The following IQGAP2 variants were observed in gnomAD, a reference collection of about 807,000 sequenced individuals.
IQGAP2 encodes IQ motif containing GTPase activating protein 2.
Under a neutral mutation model 201.3 loss-of-function variants are expected in IQGAP2, and 173 were observed. The ratio of observed to expected loss-of-function variants is 0.86; its 90% CI spans 0.76 to 0.98. The LOEUF (loss-of-function observed/expected upper bound fraction) is 0.98, where lower values mean the gene tolerates loss of function less well. IQGAP2 is among the 50% of genes least tolerant of loss of function. IQGAP2 has a pLI of 0.00. For missense variants in IQGAP2, 1,687 were observed against 1,864.8 expected (o/e 0.90, Z 1.76); for synonymous variants, 675 against 673.9 (o/e 1.00, Z -0.03).
At chr5:76,626,846 G>A (rs1382185542) in intron 13 of IQGAP2, among the ~76,000 whole-genome samples, 1 of 152,112 alleles carries the variant, frequency 6.6e-6, no homozygotes, top group Non-Finnish European at 1.5e-5. Flanking sequence ...TGAATGGTAA[G>A]AAAAAGCCAA....
intron 2 of IQGAP2, among the ~76,000 whole-genome samples, chr5:76,504,496 T>A (rs373313727): frequency 6.6e-6 from 1 of 152,166 alleles, no homozygotes; most frequent in African/African-American, 2.4e-5. Context: ...CTTCTCTATA[T>A]GGTATAGATG....
intron 1 of IQGAP2, among the ~76,000 whole-genome samples, chr5:76,425,882 T>C (rs990656541): frequency 6.6e-6 from 1 of 152,150 alleles, no homozygotes; most frequent in East Asian, 1.9e-4. Flanking sequence ...AAATGTGAGT[T>C]GTTCATGCAT....
chr5:76,509,525 T>G (rs550976978), intron 2 of IQGAP2, among the ~76,000 whole-genome samples: 1 of 151,938 alleles, frequency 6.6e-6, no homozygotes, highest in African/African-American at 2.4e-5. Context: ...GCCTCCCGAG[T>G]AGACTACAGG....
chr5:76,449,638 C>T (rs1204332401), intron 1 of IQGAP2, among the ~76,000 whole-genome samples: 1 of 152,216 alleles, frequency 6.6e-6, no homozygotes, highest in Non-Finnish European at 1.5e-5. Context: ...TCTGCCAGCA[C>T]TTTGCACCTA....
intron 1 of IQGAP2, among the ~76,000 whole-genome samples, chr5:76,440,421 A>G (rs1204003877): frequency 6.6e-6 from 1 of 152,142 alleles, no homozygotes. Context: ...TTAAAAATAC[A>G]TTAATTGAGT....
intron 11 of IQGAP2, among the ~76,000 whole-genome samples, chr5:76,604,651 A>G (rs1747672504): frequency 6.6e-6 from 1 of 152,136 alleles, no homozygotes; most frequent in African/African-American, 2.4e-5. Flanking sequence ...AGTGTATGGG[A>G]TGCCCATAAG....
chr5:76,609,036 G>A (rs1249947089), intron 12 of IQGAP2: 5 of 1,464,742 alleles, frequency 3.4e-6, no homozygotes, highest in Middle Eastern at 1.7e-4. Context: ...TGATGCATAT[G>A]TTCCCAGAGG....
In IQGAP2 at chr5:76,670,272, G is replaced by A. The variant is rs931244403; in HGVS notation, c.2843+1428G>A. Among the ~76,000 whole-genome samples the A allele has an allele frequency of 3.9e-5, 6 of 152,234 alleles. 1 individual carries two copies. Among genetic ancestry groups the A allele is most frequent in the African/African-American group, 1.4e-4 (6 of 41,462 alleles). ...CACGCCTGTAGTCCCAGCACTTTGG[G>A]AGGCCAAGACAGGCGGATCACGAGG... On this transcript the variant is annotated intron_variant, in intron 23 of 35. Coordinates refer to ENST00000274364, the MANE Select transcript of IQGAP2 (RefSeq NM_006633.5).
rs61258350 is a variant in IQGAP2 at position 76,460,860 on chromosome 5, CTT to C, written c.47-688_47-687del. Among the ~76,000 whole-genome samples the C allele has an allele frequency of 1.6e-3, 185 of 113,532 alleles. 1 individual carries two copies. Among genetic ancestry groups the C allele is most frequent in the East Asian group, 0.016 (61 of 3,860 alleles). The allele number at this position is 113,532 out of a possible 152,430, so 74.5% of individuals were successfully genotyped here. A position where few individuals can be genotyped will look rare whatever the true frequency, so the allele number is the denominator to read the frequency against. Reference sequence around the variant, plus strand: ...GAAGCTCCTGCCCGTTTGCACACTGCTTTTTTTTTTTTTTTTTTTTTTTCCCT... The same window carrying C: ...GAAGCTCCTGCCCGTTTGCACACTGCTTTTTTTTTTTTTTTTTTTTTCCCT... On this transcript the variant is annotated intron_variant, in intron 1 of 35. Transcript: ENST00000274364.
intron 22 of IQGAP2, among the ~76,000 whole-genome samples, chr5:76,665,402 A>G (rs574154645): frequency 6.6e-6 from 1 of 152,324 alleles, no homozygotes; most frequent in South Asian, 2.1e-4. Context: ...TTCCTGCATT[A>G]CAGATGAGAA....
At chr5:76,441,495 C>A (rs1287945536) in intron 1 of IQGAP2, 12 of 985,174 alleles carry the variant, frequency 1.2e-5, no homozygotes, top group African/African-American at 1.7e-5. Context: ...AATTACGAGC[C>A]TGGAAGAAAG....
At chr5:76,451,540 T>G (rs2150115290) in intron 1 of IQGAP2, among the ~76,000 whole-genome samples, 1 of 152,330 alleles carries the variant, frequency 6.6e-6, no homozygotes, top group South Asian at 2.1e-4. Flanking sequence ...GATCACTTCC[T>G]CTCTGCTGCC....
intron 16 of IQGAP2, among the ~76,000 whole-genome samples, chr5:76,639,753 A>G (rs956529821): frequency 1.3e-5 from 2 of 152,194 alleles, no homozygotes; most frequent in African/African-American, 2.4e-5. Flanking sequence ...AGTCTGACCA[A>G]TGCTACCAAA....
intron 2 of IQGAP2, among the ~76,000 whole-genome samples, chr5:76,482,599 T>C (rs1156238060): frequency 2.0e-5 from 3 of 152,210 alleles, no homozygotes; most frequent in Non-Finnish European, 2.9e-5. Context: ...TCTACTGTTA[T>C]AAAGGCCAGG....
chr5:76,662,643 ATG>A (rs1743359958), intron 21 of IQGAP2, among the ~76,000 whole-genome samples: 1 of 152,186 alleles, frequency 6.6e-6, no homozygotes, highest in Non-Finnish European at 1.5e-5. Context: ...AAGAGGAAAA[ATG>A]TGGATTAACT....
intron 33 of IQGAP2, among the ~76,000 whole-genome samples, chr5:76,698,453 T>C (rs1746960868): frequency 6.6e-6 from 1 of 152,212 alleles, no homozygotes; most frequent in Non-Finnish European, 1.5e-5. Flanking sequence ...CCAAAGATTT[T>C]TTTAAATACT....
chr5:76,572,120 C>T (rs1745155270), intron 4 of IQGAP2, among the ~76,000 whole-genome samples: 1 of 152,066 alleles, frequency 6.6e-6, no homozygotes. Context: ...TAGCGGGTAT[C>T]CTTTGAGTCA....
At chr5:76,436,197 A>G (rs1334809503) in intron 1 of IQGAP2, among the ~76,000 whole-genome samples, 1 of 151,832 alleles carries the variant, frequency 6.6e-6, no homozygotes, top group Non-Finnish European at 1.5e-5. Flanking sequence ...TCCAATTTGG[A>G]TGCCCTTTAT....
intron 1 of IQGAP2, among the ~76,000 whole-genome samples, chr5:76,450,635 C>T (rs757135511): frequency 6.6e-6 from 1 of 152,156 alleles, no homozygotes; most frequent in African/African-American, 2.4e-5. Context: ...CTGAAGAGCT[C>T]AGCATGTTTG....
Sources: allele counts gnomAD v4.1 joint callset (sites outside exome capture counted in the v4.1 genomes callset), GRCh38; gene constraint gnomAD v4.1.1; transcripts MANE v1.5; gene names NCBI Gene and HGNC (gene_info 2026-07-23, HGNC 2026-07-21).